Variants in LITAF observed in about 807,000 individuals in gnomAD.
LITAF encodes the protein lipopolysaccharide induced TNF factor.
LITAF carries 9 observed loss-of-function variants against 14.5 expected under a neutral mutation model. The observed-to-expected ratio is 0.62, with a 90% CI of 0.37 to 1.08. The LOEUF is 1.08. Ranked by LOEUF, LITAF falls within the 50% of genes least tolerant of loss-of-function variation. The probability of loss-of-function intolerance (pLI) is 0.01; values close to 1 mark genes in which losing one functional copy is unlikely to be tolerated. For missense variants in LITAF, 206 were observed against 213.4 expected, an observed-to-expected ratio of 0.97 and a Z score of 0.22; for synonymous variants, 98 against 88.2, an observed-to-expected ratio of 1.11 and a Z score of -0.62.
chr16:11,612,002 G>A (rs980849458), intron 3 of LITAF, among the ~76,000 whole-genome samples: 1 of 152,138 alleles, frequency 6.6e-6, no homozygotes, highest in Non-Finnish European at 1.5e-5. Context: ...ACAGGATATG[G>A]AGTGTGACAA....
intron 3 of LITAF, among the ~76,000 whole-genome samples, chr16:11,619,086 A>G (rs2065034717): frequency 6.6e-6 from 1 of 151,528 alleles, no homozygotes; most frequent in African/African-American, 2.4e-5. Flanking sequence ...CAAGGCAGGC[A>G]GGTCACTTGA....
At chr16:11,603,555 A>G (rs1230586036) in intron 3 of LITAF, among the ~76,000 whole-genome samples, 1 of 152,228 alleles carries the variant, frequency 6.6e-6, no homozygotes, top group Non-Finnish European at 1.5e-5. Context: ...TAGCCTGGGA[A>G]TGGCTGGAAA....
chr16:11,549,752 GGAGAGA>G lies in LITAF; in HGVS notation c.378-13_378-8del. ...GCAGCAGCCCGCTATGCACCTGGGAGGAGAGAGAGACACACGGAGCGCGTTACTGAT... is the reference window on the plus strand; with the variant it reads ...GCAGCAGCCCGCTATGCACCTGGGAGGAGACACACGGAGCGCGTTACTGAT... On this transcript the variant is annotated splice_polypyrimidine_tract_variant and splice_region_variant and intron_variant, in intron 3 of 3. Coordinates refer to ENST00000622633, the MANE Select transcript of LITAF (RefSeq NM_001136472.2). This position sits in a 1 kb window ranked among gnomAD's most constrained non-coding sequence, Gnocchi z 4.6. 1 of 1,609,272 alleles carries G rather than the reference GGAGAGA, an allele frequency of 6.2e-7. No individual in the cohort carries two copies.
intron 3 of LITAF, among the ~76,000 whole-genome samples, chr16:11,626,902 G>C (rs1597376113): frequency 6.6e-6 from 1 of 151,954 alleles, no homozygotes; most frequent in Admixed American, 6.6e-5. Flanking sequence ...GAGTGCAGTG[G>C]CACGATCTTG....
At chr16:11,623,975 AT>A (rs2065067917) in intron 3 of LITAF, among the ~76,000 whole-genome samples, 3 of 151,816 alleles carry the variant, frequency 2.0e-5, no homozygotes, top group Non-Finnish European at 2.9e-5. Flanking sequence ...CTCAAAAAAA[AT>A]TTTTTTAAAA....
chr16:11,631,463 A>G (rs2065117380), intron 3 of LITAF, among the ~76,000 whole-genome samples: 1 of 152,030 alleles, frequency 6.6e-6, no homozygotes, highest in South Asian at 2.1e-4. Flanking sequence ...TGGCGTGAAC[A>G]TAGCTCACTA....
intron 1 of LITAF, among the ~76,000 whole-genome samples, chr16:11,564,981 G>A (rs1243183105): frequency 1.3e-5 from 2 of 149,806 alleles, no homozygotes; most frequent in East Asian, 2.0e-4. Context: ...ACAATGCTAC[G>A]AACTTACTAA....
chr16:11,610,112 C>G (rs1311256784), intron 3 of LITAF, among the ~76,000 whole-genome samples: 2 of 152,230 alleles, frequency 1.3e-5, no homozygotes, highest in East Asian at 3.9e-4. Flanking sequence ...AGCTGGGACT[C>G]ACCCTGCAAA....
At chr16:11,596,894 C>T (rs997104635) in intron 1 of LITAF, among the ~76,000 whole-genome samples, 1 of 151,842 alleles carries the variant, frequency 6.6e-6, no homozygotes, top group African/African-American at 2.4e-5. Context: ...GGGTGCCAGG[C>T]CCTGGAATGT....
At chr16:11,568,012 G>T (rs1295381209) in intron 1 of LITAF, among the ~76,000 whole-genome samples, 1 of 151,686 alleles carries the variant, frequency 6.6e-6, no homozygotes, top group Non-Finnish European at 1.5e-5. Context: ...TTCCAGCAGG[G>T]CACAGTGACT....
At chr16:11,622,586 G>A (rs1414842684) in intron 3 of LITAF, among the ~76,000 whole-genome samples, 3 of 152,140 alleles carry the variant, frequency 2.0e-5, no homozygotes, top group African/African-American at 4.8e-5. Context: ...AAACAAAAAC[G>A]GTGTCTCTCG....
upstream of LITAF, among the ~76,000 whole-genome samples, chr16:11,588,853 C>CCT (rs1567255919): frequency 1.3e-3 from 198 of 150,136 alleles, no homozygotes; most frequent in Non-Finnish European, 2.2e-3. Flanking sequence ...CCAACCTTTT[C>CCT]TCCTTCCTTC....
intron 1 of LITAF, among the ~76,000 whole-genome samples, chr16:11,571,794 G>T (rs562454835): frequency 1.3e-5 from 2 of 152,130 alleles, no homozygotes; most frequent in Non-Finnish European, 2.9e-5. Context: ...CTTTTCCTGA[G>T]GTCTCCTAAA....
chr16:11,619,121 G>A (rs538449010), intron 3 of LITAF, among the ~76,000 whole-genome samples: 2 of 151,906 alleles, frequency 1.3e-5, no homozygotes, highest in South Asian at 4.2e-4. Context: ...GACCAGCCTG[G>A]CCAACATGGC....
chr16:11,579,682 G>A (rs893308457), intron 1 of LITAF, among the ~76,000 whole-genome samples: 1 of 152,126 alleles, frequency 6.6e-6, no homozygotes, highest in African/African-American at 2.4e-5. Context: ...ACTGTGTGAT[G>A]TAAGATGTGA....
intron 1 of LITAF, among the ~76,000 whole-genome samples, chr16:11,579,459 A>AAAAAT (rs57762611): frequency 0.023 from 2,544 of 110,188 alleles, 180 homozygotes; most frequent in South Asian, 0.053. Context: ...CTCCGTCTCA[A>AAAAAT]AAAATAAAAT....
rs7187810 is a variant in LITAF at position 11,548,821 on chromosome 16, A to T, written c.*816T>A. 6,557 of 450,504 alleles carry T rather than the reference A, an allele frequency of 0.015. 302 individuals carry two copies. Among genetic ancestry groups the T allele is most frequent in the African/African-American group, 0.11 (5,284 of 49,466 alleles). 27.9% of individuals were successfully genotyped at this position (450,504 alleles called of 1,614,324 possible). On this transcript the variant is annotated 3_prime_UTR_variant, in exon 4 of 4. Coordinates refer to ENST00000622633, the MANE Select transcript of LITAF (RefSeq NM_001136472.2). ...TAAGACCCCATCTCTGTTTTTTTTT[A>T]AAAAAAAGAAATTCTGTTCAAAAGT... is the stretch of plus-strand genomic sequence containing the variant.
chr16:11,638,915 C>G (rs957958738), upstream of LITAF, among the ~76,000 whole-genome samples: 1 of 150,636 alleles, frequency 6.6e-6, no homozygotes, highest in Non-Finnish European at 1.5e-5. Context: ...AAAAAATATT[C>G]TGGATAGTAA....
At chr16:11,638,058 A>C (rs1204462924), upstream of LITAF, among the ~76,000 whole-genome samples, 19 of 106,492 alleles carry the variant, frequency 1.8e-4, 3 homozygotes, top group South Asian at 2.0e-3. Flanking sequence ...ATATATCTAT[A>C]TATATATCTA....
Sources: allele counts gnomAD v4.1 joint callset (sites outside exome capture counted in the v4.1 genomes callset), GRCh38; gene constraint gnomAD v4.1.1; non-coding constraint Gnocchi (gnomAD v3.1); transcripts MANE v1.5; gene names NCBI Gene and HGNC (gene_info 2026-07-23, HGNC 2026-07-21).